Variants in UTRN observed in about 807,000 individuals in gnomAD.
The protein encoded by UTRN is dystrophin-related protein 1.
A neutral mutation model predicts 463.9 loss-of-function variants in UTRN; 283 were observed. The observed-to-expected ratio is 0.61, with a 90% CI of 0.55 to 0.67. UTRN has a LOEUF of 0.67. Among genes scored for constraint, UTRN ranks in the 30% least tolerant of loss-of-function variants. The pLI, the probability that UTRN is intolerant of heterozygous loss-of-function variation, is 0.00. For missense variants in UTRN, 3,922 were observed against 4,084.3 expected (o/e 0.96, Z 1.08); for synonymous variants, 1,442 against 1,431.5 (o/e 1.01, Z -0.17).
chr6:144,604,752 A>G (rs925800495), intron 51 of UTRN, among the ~76,000 whole-genome samples: 3 of 151,168 alleles, frequency 2.0e-5, no homozygotes, highest in African/African-American at 7.4e-5. Context: ...GATCTCTACT[A>G]AAAAATACAA....
chr6:144,732,227 TATATATATATAC>T (rs1199325281), intron 54 of UTRN, among the ~76,000 whole-genome samples: 745 of 45,798 alleles, frequency 0.016, 9 homozygotes, highest in African/African-American at 0.063. Context: ...TATATATATA[TATATATATATAC>T]ATATATATAT....
chr6:144,351,048 G>GA (rs965227129), intron 2 of UTRN, among the ~76,000 whole-genome samples: 6 of 152,028 alleles, frequency 3.9e-5, no homozygotes, highest in South Asian at 2.1e-4. Context: ...ATTTATTTAT[G>GA]AAAAAAACCA....
chr6:144,632,314 A>T (rs190688573), intron 51 of UTRN, among the ~76,000 whole-genome samples: 154 of 152,330 alleles, frequency 1.0e-3, no homozygotes, highest in Middle Eastern at 3.4e-3. Flanking sequence ...ACTGACACTG[A>T]AAAAGAAATC....
At chr6:144,802,772 T>G (rs574177406) in intron 64 of UTRN, among the ~76,000 whole-genome samples, 17 of 152,320 alleles carry the variant, frequency 1.1e-4, no homozygotes, top group African/African-American at 4.1e-4. Flanking sequence ...AATTGATATT[T>G]TAAAATTTGA....
chr6:144,400,125 G>A (rs1157001509), intron 2 of UTRN, among the ~76,000 whole-genome samples: 4 of 152,082 alleles, frequency 2.6e-5, no homozygotes, highest in African/African-American at 9.7e-5. Flanking sequence ...AAACAAAATG[G>A]TTTTCAAAAA....
At chr6:144,482,513 C>G (rs1179795973) in intron 27 of UTRN, 125 bp downstream of exon 27, 2 of 595,688 alleles carry the variant, frequency 3.4e-6, no homozygotes, top group East Asian at 1.1e-4. Flanking sequence ...GAGAAAACTT[C>G]TCTTTTCTTT....
At chr6:144,499,492 C>A (rs1287236654) in intron 34 of UTRN, 65 bp downstream of exon 34, 3 of 1,431,480 alleles carry the variant, frequency 2.1e-6, no homozygotes, top group South Asian at 3.2e-5. Flanking sequence ...GTTCGGGCGA[C>A]CTGGTTGGAT....
At chr6:144,771,417 T>C (rs1456457854) in intron 58 of UTRN, among the ~76,000 whole-genome samples, 1 of 151,910 alleles carries the variant, frequency 6.6e-6, no homozygotes, top group Non-Finnish European at 1.5e-5. Flanking sequence ...CTGGCTAAAA[T>C]TTATTATTAA....
chr6:144,578,625 G>A (rs531360570), intron 51 of UTRN, among the ~76,000 whole-genome samples: 4 of 152,228 alleles, frequency 2.6e-5, no homozygotes, highest in South Asian at 2.1e-4. Flanking sequence ...CTGAGCCACC[G>A]TGCCTGGCCT....
At chr6:144,694,657 G>C (rs2128694417) in intron 52 of UTRN, among the ~76,000 whole-genome samples, 1 of 152,148 alleles carries the variant, frequency 6.6e-6, no homozygotes, top group East Asian at 1.9e-4. Flanking sequence ...ATTTCTTCTA[G>C]ATTTTCTAGT....
At chr6:144,451,083 G>A (rs2128557066) in intron 17 of UTRN, among the ~76,000 whole-genome samples, 1 of 152,254 alleles carries the variant, frequency 6.6e-6, no homozygotes, top group South Asian at 2.1e-4. Context: ...TTGCACTCAA[G>A]CCTGGGTGAC....
At chr6:144,688,336 A>G (rs1323239740) in intron 52 of UTRN, among the ~76,000 whole-genome samples, 1 of 152,000 alleles carries the variant, frequency 6.6e-6, no homozygotes, top group Non-Finnish European at 1.5e-5. Context: ...GAGTAACTTA[A>G]TAGTCATCCT....
chr6:144,579,700 TA>T (rs890873505), intron 51 of UTRN, among the ~76,000 whole-genome samples: 42 of 152,152 alleles, frequency 2.8e-4, no homozygotes, highest in African/African-American at 1.0e-3. Context: ...AGGGTGCTGA[TA>T]AAAATATTAA....
intron 2 of UTRN, among the ~76,000 whole-genome samples, chr6:144,308,716 C>A (rs1419604493): frequency 6.6e-6 from 1 of 152,182 alleles, no homozygotes; most frequent in African/African-American, 2.4e-5. Context: ...ACATTGTACC[C>A]ATCCTCCTTT....
chr6:144,546,763 C>T (rs932837472), intron 46 of UTRN, among the ~76,000 whole-genome samples: 4 of 152,086 alleles, frequency 2.6e-5, no homozygotes, highest in Non-Finnish European at 4.4e-5. Context: ...GAGCTGTGTT[C>T]GTGCCTCTGC....
intron 60 of UTRN, among the ~76,000 whole-genome samples, chr6:144,780,661 T>A (rs960198709): frequency 7.9e-5 from 12 of 152,192 alleles, no homozygotes; most frequent in African/African-American, 1.9e-4. Context: ...TAAAAAAAAA[T>A]TTGTCGTTTT....
intron 2 of UTRN, among the ~76,000 whole-genome samples, chr6:144,386,912 C>A (rs945861104): frequency 2.0e-5 from 3 of 151,828 alleles, no homozygotes; most frequent in Non-Finnish European, 4.4e-5. Flanking sequence ...AAACCACTTC[C>A]GAAATACTCC....
At chr6:144,580,687 T>C (rs942274726) in intron 51 of UTRN, among the ~76,000 whole-genome samples, 1 of 152,248 alleles carries the variant, frequency 6.6e-6, no homozygotes, top group African/African-American at 2.4e-5. Flanking sequence ...AACTGAGCAG[T>C]CCAGCTCATA....
chr6:144,375,477 G>C (rs1163485411), intron 2 of UTRN, among the ~76,000 whole-genome samples: 1 of 152,158 alleles, frequency 6.6e-6, no homozygotes, highest in Non-Finnish European at 1.5e-5. Context: ...TAAGCTTAAA[G>C]GGTGTTCTAA....
Sources: gnomAD v4.1 joint callset for allele counts (sites outside exome capture counted in the v4.1 genomes callset) on GRCh38, gnomAD v4.1.1 for gene constraint, MANE v1.5 for transcripts, NCBI Gene and HGNC (gene_info 2026-07-23, HGNC 2026-07-21) for gene names.